Variants in PLXNA4 observed in about 807,000 individuals in gnomAD.
PLXNA4 encodes the protein plexin-A4.
A neutral mutation model predicts 191.8 loss-of-function variants in PLXNA4; 44 were observed. The ratio of observed to expected loss-of-function variants is 0.23; its 90% CI spans 0.18 to 0.29. The LOEUF (loss-of-function observed/expected upper bound fraction) is 0.29. Among genes scored for constraint, PLXNA4 ranks in the 10% least tolerant of loss-of-function variants. The pLI, the probability that PLXNA4 is intolerant of heterozygous loss-of-function variation, is 1.00. For synonymous variants in PLXNA4, 1,082 were observed against 1,009.5 expected (o/e 1.07, Z -1.36); for missense variants, 1,800 against 2,488.8 (o/e 0.72, Z 5.89).
chr7:132,152,736 T>C (rs1795682299), intron 25 of PLXNA4, among the ~76,000 whole-genome samples: 1 of 152,206 alleles, frequency 6.6e-6, no homozygotes, highest in South Asian at 2.1e-4. Flanking sequence ...AGTGAGAAGC[T>C]GGAAAATACC....
intron 3 of PLXNA4, among the ~76,000 whole-genome samples, chr7:132,482,430 C>T (rs940628238): frequency 2.6e-5 from 4 of 152,084 alleles, no homozygotes; most frequent in South Asian, 2.1e-4. Context: ...CCAACAAACC[C>T]GGGAGTGACA....
chr7:132,538,459 T>C (rs550331598), intron 1 of PLXNA4, among the ~76,000 whole-genome samples: 32 of 152,352 alleles, frequency 2.1e-4, no homozygotes, highest in African/African-American at 7.2e-4. Context: ...AGCACCAAGA[T>C]TGTAAGTGAG....
intron 3 of PLXNA4, among the ~76,000 whole-genome samples, chr7:132,459,115 G>C (rs1201808714): frequency 6.6e-6 from 1 of 152,104 alleles, no homozygotes; most frequent in Non-Finnish European, 1.5e-5. Flanking sequence ...GACCGAACCA[G>C]AGCCCGCGCT....
chr7:132,574,505 C>A (rs1368919939), intron 1 of PLXNA4, among the ~76,000 whole-genome samples: 2 of 152,168 alleles, frequency 1.3e-5, no homozygotes, highest in African/African-American at 4.8e-5. Context: ...ATGGCGGGGG[C>A]GGGGAGCTGA....
rs1411736989 is a variant in PLXNA4 at position 132,179,661 on chromosome 7, G to A, written c.3874+26C>T. The A allele has an allele frequency of 2.5e-6, 4 of 1,602,946 alleles. No individual in the cohort carries two copies. The East Asian group carries it at 9.0e-5, about 36-fold the overall frequency. ...ATATGCACACACGCACACACACATG[G>A]CCTCCAGCATGGGGCCACTCAGTAC... On this transcript the variant is annotated intron_variant, in intron 20 of 31. Transcript: ENST00000321063.
rs551341696 is a variant in PLXNA4, at chr7:132,309,281, G to A, written c.1372-11059C>T. ...AAGTGGAGAACCACAGCCTGGCCTC[G>A]CTGAGAGATGCGGCATCTCTGAGGA... is the stretch of plus-strand genomic sequence containing the variant. On this transcript the variant is annotated intron_variant, in intron 3 of 31. Coordinates refer to ENST00000321063, the MANE Select transcript of PLXNA4 (RefSeq NM_020911.2). Among the ~76,000 whole-genome samples the A allele has an allele frequency of 9.9e-5, 15 of 152,266 alleles. 1 individual carries two copies. The highest frequency in any genetic ancestry group is 6.2e-4 in the South Asian group (3 of 4,820).
intron 3 of PLXNA4, among the ~76,000 whole-genome samples, chr7:132,427,219 A>G (rs1279829230): frequency 3.3e-5 from 5 of 152,218 alleles, no homozygotes; most frequent in Non-Finnish European, 7.3e-5. Flanking sequence ...TCCTCACCCC[A>G]GACCTTAAAG....
chr7:132,347,805 C>T (rs907612521), intron 3 of PLXNA4, among the ~76,000 whole-genome samples: 1 of 152,178 alleles, frequency 6.6e-6, no homozygotes, highest in Admixed American at 6.5e-5. Flanking sequence ...TTTATATCTT[C>T]CACTGGCTTC....
chr7:132,451,474 GTA>G (rs1333809813), intron 3 of PLXNA4, among the ~76,000 whole-genome samples: 1 of 152,142 alleles, frequency 6.6e-6, no homozygotes, highest in East Asian at 1.9e-4. Context: ...GATGGGCCTG[GTA>G]CTCGGGAAGT....
chr7:132,393,622 G>A (rs963646197), intron 3 of PLXNA4, among the ~76,000 whole-genome samples: 2 of 152,196 alleles, frequency 1.3e-5, no homozygotes, highest in Non-Finnish European at 2.9e-5. Flanking sequence ...AGAATGCAGA[G>A]TGCAGCAAGA....
intron 4 of PLXNA4, chr7:132,271,233 T>A (rs1563003912): frequency 6.6e-6 from 1 of 152,102 alleles, no homozygotes; most frequent in East Asian, 1.9e-4. Context: ...TAGTAAACTT[T>A]GAATGAAAGA....
At chr7:132,318,084 T>C (rs1802015807) in intron 3 of PLXNA4, among the ~76,000 whole-genome samples, 1 of 152,218 alleles carries the variant, frequency 6.6e-6, no homozygotes, top group African/African-American at 2.4e-5. Flanking sequence ...CATAAGGTCA[T>C]GAACCGAGAC....
At chr7:132,255,607 A>G (rs1295120100) in intron 4 of PLXNA4, among the ~76,000 whole-genome samples, 1 of 152,240 alleles carries the variant, frequency 6.6e-6, no homozygotes, top group African/African-American at 2.4e-5. Context: ...AGTGCTGGAA[A>G]AGGAGTCAGA....
chr7:132,521,386 C>T lies in PLXNA4; in HGVS notation c.-86-12607G>A, dbSNP rs77446108. Among the ~76,000 whole-genome samples, 14 of 152,092 alleles carry T rather than the reference C, an allele frequency of 9.2e-5. No individual in the cohort carries two copies. The East Asian group carries it at 2.7e-3, about 29-fold the overall frequency. On this transcript the variant is annotated intron_variant, in intron 1 of 31. Transcript: ENST00000321063. The stretch of plus-strand genomic sequence containing the variant: ...CAAGTGTAATATATAGTGTACATGC[C>T]AGAAGAACATGTCATACATCATAAG...
At chr7:132,266,910 C>T (rs1400585975) in intron 4 of PLXNA4, among the ~76,000 whole-genome samples, 2 of 152,098 alleles carry the variant, frequency 1.3e-5, no homozygotes, top group East Asian at 3.8e-4. Flanking sequence ...ATGCCACCTG[C>T]TAGGGAGTTG....
chr7:132,153,781 C>A (rs1302340616), intron 25 of PLXNA4, among the ~76,000 whole-genome samples: 1 of 152,220 alleles, frequency 6.6e-6, no homozygotes, highest in Non-Finnish European at 1.5e-5. Flanking sequence ...CCTGATAGTT[C>A]TGGCCCTCAC....
chr7:132,624,487 G>A (rs73724097), intron 2 of PLXNA4, among the ~76,000 whole-genome samples: 1,832 of 152,244 alleles, frequency 0.012, 42 homozygotes, highest in African/African-American at 0.042. Flanking sequence ...GGTCACATGG[G>A]GGTGTGTGTG....
chr7:132,332,206 G>A (rs1802615979), intron 3 of PLXNA4, among the ~76,000 whole-genome samples: 2 of 152,230 alleles, frequency 1.3e-5, no homozygotes, highest in African/African-American at 2.4e-5. Context: ...GTGGAAAGAA[G>A]CCTGAGATGT....
At chr7:132,309,515 G>A (rs1443411776) in intron 3 of PLXNA4, among the ~76,000 whole-genome samples, 3 of 152,144 alleles carry the variant, frequency 2.0e-5, no homozygotes, top group Non-Finnish European at 4.4e-5. Context: ...CACACATGGG[G>A]AGGCTACCTC....
Sources: gnomAD v4.1 joint callset for allele counts (sites outside exome capture counted in the v4.1 genomes callset) on GRCh38, gnomAD v4.1.1 for gene constraint, MANE v1.5 for transcripts, NCBI Gene and HGNC (gene_info 2026-07-23, HGNC 2026-07-21) for gene names.